RNF17: variants seen among roughly 807,000 people sequenced by gnomAD.
The protein encoded by RNF17 is spermatogenesis associated 23.
RNF17 carries 31 observed loss-of-function variants against 200.5 expected under a neutral mutation model. The ratio of observed to expected loss-of-function variants is 0.15; its 90% CI spans 0.12 to 0.21. The LOEUF is 0.21. Ranked by LOEUF, RNF17 falls within the 10% of genes least tolerant of loss-of-function variation. The pLI is 1.00. For missense variants in RNF17, 1,628 were observed against 1,905.1 expected, an observed-to-expected ratio of 0.85 and a Z score of 2.71; for synonymous variants, 606 against 637.8, an observed-to-expected ratio of 0.95 and a Z score of 0.75.
chr13:24,887,583 C>T, the RNF17 span, among the ~76,000 whole-genome samples: 1 of 152,148 alleles, frequency 6.6e-6, no homozygotes, highest in African/African-American at 2.4e-5. Context: ...CAGATGGGAC[C>T]ATCTAATTGC....
chr13:24,789,624 C>A, intron 8 of RNF17, 74 bp from the exon 9 acceptor site: 1 of 986,054 alleles, frequency 1.0e-6, no homozygotes, highest in Non-Finnish European at 1.6e-6. Context: ...TTAATGTCAG[C>A]AATTGATTTT....
intron 4 of RNF17, among the ~76,000 whole-genome samples, chr13:24,779,292 G>A (rs1882030911): frequency 6.6e-6 from 1 of 152,056 alleles, no homozygotes; most frequent in Admixed American, 6.5e-5. Flanking sequence ...AAATCTTAAT[G>A]GAGTCAAATT....
Position 24,781,825 on chromosome 13 carries a change from TTG to T in RNF17, c.511-17_511-16del. On this transcript the variant is annotated splice_polypyrimidine_tract_variant and intron_variant, in intron 5 of 35. Transcript: ENST00000255324. ...AAAATTCCCAAATTAAGTTTTTGTC[TTG>T]TTTTTTTTTTTTCCAGGCACTTGAA... The T allele has an allele frequency of 7.1e-7, 1 of 1,406,398 alleles. No homozygotes were observed. Among genetic ancestry groups the T allele is most frequent in the Non-Finnish European group, 9.3e-7 (1 of 1,072,222 alleles). 87.1% of individuals were successfully genotyped at this position (1,406,398 alleles called of 1,614,324 possible). A position where few individuals can be genotyped will look rare whatever the true frequency, so the allele number is the denominator to read the frequency against.
chr13:24,778,145 C>A, intron 3 of RNF17, 150 bp from the exon 4 acceptor site: 2 of 556,824 alleles, frequency 3.6e-6, no homozygotes, highest in Non-Finnish European at 6.4e-6. Flanking sequence ...GCCTATGGTC[C>A]CAGCTACTTG....
At chr13:24,885,614 T>C in the RNF17 span, 1 of 1,608,398 alleles carries the variant, frequency 6.2e-7, no homozygotes. Context: ...ACTTGTCCCT[T>C]ATCCAAATTG....
intron 22 of RNF17, among the ~76,000 whole-genome samples, chr13:24,847,352 T>TA (rs200752736): frequency 9.5e-5 from 11 of 115,858 alleles, no homozygotes; most frequent in South Asian, 3.2e-4. Context: ...TTTATTTATT[T>TA]TTTTTTTTTT....
chr13:24,779,839 C>CT (rs1882105689), intron 5 of RNF17, 92 bp downstream of exon 5: 1 of 942,964 alleles, frequency 1.1e-6, no homozygotes, highest in Non-Finnish European at 1.7e-6. Context: ...GAGGTTAGAG[C>CT]TTAGCACTGA....
At chr13:24,766,036 T>G (rs1879633958) in intron 1 of RNF17, among the ~76,000 whole-genome samples, 2 of 152,178 alleles carry the variant, frequency 1.3e-5, no homozygotes, top group Admixed American at 6.5e-5. Context: ...AAGACCAGCC[T>G]AGGCAACATG....
rs1168489000 is a variant in RNF17, at chr13:24,874,096, C to T, written c.4448-18C>T. 1 of 1,600,144 alleles carries T rather than the reference C, an allele frequency of 6.2e-7. No individual in the cohort carries two copies. Among genetic ancestry groups the T allele is most frequent in the African/African-American group, 1.4e-5 (1 of 74,010 alleles). On this transcript the variant is annotated intron_variant, in intron 32 of 35. Transcript: ENST00000255324. ...AATGAAAGACAATATGATTTTTTCC[C>T]TTTTTCTGTCTTTCCAGAAATGCCT...
intron 15 of RNF17, among the ~76,000 whole-genome samples, chr13:24,810,700 A>C (rs1312504995): frequency 3.6e-4 from 52 of 143,800 alleles, no homozygotes; most frequent in Admixed American, 3.4e-4. Flanking sequence ...TTAGCTGGTT[A>C]TTTTGCTCGT....
intron 15 of RNF17, among the ~76,000 whole-genome samples, chr13:24,815,017 G>A (rs1352458012): frequency 6.6e-6 from 1 of 152,112 alleles, no homozygotes; most frequent in Non-Finnish European, 1.5e-5. Flanking sequence ...GAGAGAGAAG[G>A]TGTGTGTATG....
At chr13:24,822,288 T>A (rs758092507) in intron 15 of RNF17, among the ~76,000 whole-genome samples, 2 of 152,208 alleles carry the variant, frequency 1.3e-5, no homozygotes, top group Non-Finnish European at 2.9e-5. Flanking sequence ...TGCCGGCATC[T>A]GTGTCTGCAG....
intron 6 of RNF17, among the ~76,000 whole-genome samples, chr13:24,786,368 T>A (rs1018526127): frequency 3.9e-5 from 6 of 152,232 alleles, no homozygotes; most frequent in Non-Finnish European, 5.9e-5. Flanking sequence ...GTATACCTGT[T>A]AAGATAGATT....
chr13:24,810,488 T>A (rs1185845421), intron 15 of RNF17, among the ~76,000 whole-genome samples: 1 of 138,224 alleles, frequency 7.2e-6, no homozygotes, highest in Non-Finnish European at 1.5e-5. Context: ...GTTTTCCATT[T>A]GCTTGGTAGA....
intron 25 of RNF17, among the ~76,000 whole-genome samples, chr13:24,855,444 A>G (rs921418400): frequency 3.3e-5 from 5 of 151,992 alleles, no homozygotes; most frequent in Non-Finnish European, 5.9e-5. Context: ...CCTGGCCAAC[A>G]TGGTGAAACC....
At chr13:24,799,319 A>G in intron 11 of RNF17, 76 bp from the exon 12 acceptor site, 3 of 1,109,592 alleles carry the variant, frequency 2.7e-6, no homozygotes, top group Non-Finnish European at 4.0e-6. Flanking sequence ...TCGTGGTAGA[A>G]CTAACGTGTC....
intron 31 of RNF17, 145 bp from the exon 32 acceptor site, chr13:24,870,426 G>A: frequency 1.6e-6 from 1 of 610,462 alleles, no homozygotes; most frequent in Non-Finnish European, 2.9e-6. Context: ...GGTAGGATGT[G>A]GGAAGGAATA....
Position 24,771,572 on chromosome 13 carries a change from T to C in RNF17, c.226-3241T>C, listed in dbSNP as rs556536775. 1.7e-4 allele frequency among the ~76,000 whole-genome samples: 26 copies of C among 151,956 alleles called. No individual in the cohort carries two copies. The South Asian group carries it at 2.5e-3, about 15-fold the overall frequency. On this transcript the variant is annotated intron_variant, in intron 2 of 35. Coordinates refer to ENST00000255324, the MANE Select transcript of RNF17 (RefSeq NM_031277.3). Reference sequence around the variant, plus strand: ...GCCTCTCACTTTTGATTTTATTGCATTTAGCCATTCAGAAGTGTTTCTTAA... The same window carrying C: ...GCCTCTCACTTTTGATTTTATTGCACTTAGCCATTCAGAAGTGTTTCTTAA...
At chr13:24,835,918 A>C (rs975705515) in intron 18 of RNF17, among the ~76,000 whole-genome samples, 1 of 152,230 alleles carries the variant, frequency 6.6e-6, no homozygotes, top group Non-Finnish European at 1.5e-5. Context: ...AAAAAACAAT[A>C]TAAGAAGTGA....
Sources: gnomAD v4.1 joint callset for allele counts (sites outside exome capture counted in the v4.1 genomes callset) on GRCh38, gnomAD v4.1.1 for gene constraint, MANE v1.5 for transcripts, NCBI Gene and HGNC (gene_info 2026-07-23, HGNC 2026-07-21) for gene names.